Variants in HIVEP1 observed in about 807,000 individuals in gnomAD.
The protein encoded by HIVEP1 is zinc finger protein 40.
HIVEP1 carries 36 observed loss-of-function variants against 180.0 expected under a neutral mutation model. The ratio of observed to expected loss-of-function variants is 0.20; its 90% CI spans 0.15 to 0.26. The LOEUF is 0.26. Ranked by LOEUF, HIVEP1 falls within the 10% of genes least tolerant of loss-of-function variation. The pLI is 1.00. For missense variants in HIVEP1, 3,143 were observed against 3,268.7 expected (o/e 0.96, Z 0.94); for synonymous variants, 1,239 against 1,239.0 (o/e 1.00, Z 0.00).
the HIVEP1 span, among the ~76,000 whole-genome samples, chr6:12,178,952 T>C: frequency 6.6e-6 from 1 of 152,202 alleles, no homozygotes; most frequent in African/African-American, 2.4e-5. Flanking sequence ...CTCCAAGACA[T>C]GTTTTGAGAT....
At chr6:12,118,437 A>G (rs979104871) in intron 3 of HIVEP1, among the ~76,000 whole-genome samples, 29 of 152,354 alleles carry the variant, frequency 1.9e-4, no homozygotes, top group African/African-American at 7.0e-4. Context: ...CAACAATCCA[A>G]CAAATGGAAA....
intron 2 of HIVEP1, among the ~76,000 whole-genome samples, chr6:12,016,152 G>A (rs1053889120): frequency 6.6e-6 from 1 of 152,192 alleles, no homozygotes; most frequent in Admixed American, 6.5e-5. Flanking sequence ...GCAGAAGTCA[G>A]AGGCAAACTG....
At chr6:12,037,735 C>G (rs946608468) in intron 2 of HIVEP1, 5 of 420,308 alleles carry the variant, frequency 1.2e-5, no homozygotes, top group South Asian at 7.3e-5. Flanking sequence ...GGGTCTTGCT[C>G]TTTTGCTCAG....
intron 3 of HIVEP1, among the ~76,000 whole-genome samples, chr6:12,097,497 G>A (rs552572164): frequency 1.3e-5 from 2 of 151,960 alleles, no homozygotes; most frequent in South Asian, 4.2e-4. Flanking sequence ...AACAGTAACA[G>A]ATTTTTTATT....
chr6:12,187,624 A>T, the HIVEP1 span, among the ~76,000 whole-genome samples: 1 of 142,818 alleles, frequency 7.0e-6, no homozygotes, highest in African/African-American at 2.6e-5. Context: ...ACGGAGTCTC[A>T]CTGTGTTGCC....
At chr6:12,184,063 T>A in the HIVEP1 span, among the ~76,000 whole-genome samples, 43,960 of 135,346 alleles carry the variant, frequency 0.32, 7,522 homozygotes, top group East Asian at 0.48. Flanking sequence ...ACAGACAGAC[T>A]GATTTGGGGG....
At chr6:12,059,133 T>G (rs1329002885) in intron 2 of HIVEP1, among the ~76,000 whole-genome samples, 1 of 152,108 alleles carries the variant, frequency 6.6e-6, no homozygotes, top group Non-Finnish European at 1.5e-5. Flanking sequence ...CTATTTCAAT[T>G]GGAATTATTA....
chr6:12,108,178 C>T (rs547802711), intron 3 of HIVEP1, among the ~76,000 whole-genome samples: 1 of 152,216 alleles, frequency 6.6e-6, no homozygotes, highest in African/African-American at 2.4e-5. Flanking sequence ...GGTGCATTCA[C>T]AAACCCTGAG....
At chr6:12,069,717 TATA>T (rs937610214) in intron 2 of HIVEP1, among the ~76,000 whole-genome samples, 3 of 151,548 alleles carry the variant, frequency 2.0e-5, no homozygotes, top group Non-Finnish European at 4.4e-5. Flanking sequence ...AAACTTAAAG[TATA>T]ATAATAATAA....
At chr6:12,153,087 T>C (rs975667080) in intron 7 of HIVEP1, among the ~76,000 whole-genome samples, 2 of 152,210 alleles carry the variant, frequency 1.3e-5, no homozygotes, top group Non-Finnish European at 2.9e-5. Flanking sequence ...ATGCAGTATA[T>C]TTGAAATTTT....
Position 12,123,507 on chromosome 6 carries a change from T to G in HIVEP1, c.3712T>G (p.Leu1238Val). The change falls in exon 4 of 9, where the codon TTG (leucine) becomes GTG (valine). Residue 1238 changes from leucine to valine, a missense_variant. Leu to Val is a conservative substitution (Grantham distance 32, BLOSUM62 1). Transcript: ENST00000379388. ...GCACAACATCCAAGTTCCAGAGATT[T>G]TGGTCACAGAAGAACCAGATCGAGA... ...RQHNIQVPEI[L>V]VTEEPDRDLE... is the part of the protein sequence containing the mutation. 1 of 1,614,096 alleles carries G rather than the reference T, an allele frequency of 6.2e-7. No homozygotes were observed. Among genetic ancestry groups the G allele is most frequent in the Non-Finnish European group, 8.5e-7 (1 of 1,180,014 alleles).
At chr6:12,117,676 A>C (rs958907161) in intron 3 of HIVEP1, among the ~76,000 whole-genome samples, 3 of 152,254 alleles carry the variant, frequency 2.0e-5, no homozygotes, top group African/African-American at 7.2e-5. Context: ...AGAGCAAAAC[A>C]GGCATACCTA....
chr6:12,198,702 A>G, the HIVEP1 span, among the ~76,000 whole-genome samples: 2 of 152,224 alleles, frequency 1.3e-5, no homozygotes, highest in Non-Finnish European at 2.9e-5. Context: ...TGATTAAGGA[A>G]GAATTTCCTG....
chr6:12,085,144 A>C (rs1773035065), intron 2 of HIVEP1, among the ~76,000 whole-genome samples: 1 of 152,102 alleles, frequency 6.6e-6, no homozygotes, highest in Non-Finnish European at 1.5e-5. Flanking sequence ...TCTAATTGCC[A>C]TTATTACTAA....
At chr6:12,194,614 C>T in the HIVEP1 span, among the ~76,000 whole-genome samples, 16 of 152,232 alleles carry the variant, frequency 1.1e-4, no homozygotes, top group Admixed American at 9.2e-4. Context: ...CCAGCCTGGC[C>T]AACATGCTGA....
chr6:12,147,001 G>A (rs1192654096), intron 7 of HIVEP1, among the ~76,000 whole-genome samples: 2 of 152,156 alleles, frequency 1.3e-5, no homozygotes, highest in Non-Finnish European at 2.9e-5. Flanking sequence ...CTGTTGGTGA[G>A]GAGGGAAAGG....
chr6:12,091,594 T>A (rs1773478995), intron 3 of HIVEP1, among the ~76,000 whole-genome samples: 2 of 152,160 alleles, frequency 1.3e-5, no homozygotes, highest in South Asian at 4.1e-4. Flanking sequence ...ATTAAATCTG[T>A]TTAGTGTAAT....
At chr6:12,190,837 G>C in the HIVEP1 span, among the ~76,000 whole-genome samples, 1 of 152,204 alleles carries the variant, frequency 6.6e-6, no homozygotes, top group African/African-American at 2.4e-5. Context: ...AACATCTCTT[G>C]AATAAATTAA....
At chr6:12,151,975 G>A (rs571911118) in intron 7 of HIVEP1, among the ~76,000 whole-genome samples, 213 of 152,256 alleles carry the variant, frequency 1.4e-3, no homozygotes, top group Non-Finnish European at 2.4e-3. Flanking sequence ...GGACAACATG[G>A]TGAAACCCCA....
Sources: gnomAD v4.1 joint callset for allele counts (sites outside exome capture counted in the v4.1 genomes callset) on GRCh38, gnomAD v4.1.1 for gene constraint, MANE v1.5 for transcripts, NCBI Gene and HGNC (gene_info 2026-07-23, HGNC 2026-07-21) for gene names.